Variants in TRIP6 observed in about 807,000 individuals in gnomAD.
TRIP6 encodes thyroid hormone receptor interactor 6.
In TRIP6, 33 loss-of-function variants were observed where a neutral mutation model predicts 51.9. The observed-to-expected ratio is 0.64, with a 90% confidence interval of 0.48 to 0.85. The LOEUF (loss-of-function observed/expected upper bound fraction) is 0.85, where lower values mean the gene tolerates loss of function less well. TRIP6 is among the 40% of genes least tolerant of loss of function. TRIP6 has a pLI of 0.00. For missense variants in TRIP6, 661 were observed against 652.1 expected (o/e 1.01, Z -0.15); for synonymous variants, 255 against 275.8 (o/e 0.92, Z 0.75).
chr7:100,870,509 G>T (rs1384448483), intron 5 of TRIP6, 46 bp downstream of exon 5: 1 of 1,606,516 alleles, frequency 6.2e-7, no homozygotes. Context: ...AGGGAGGCTG[G>T]GAGACAGAGG....
chr7:100,867,867 A>G lies in TRIP6; in HGVS notation c.116A>G (p.Gln39Arg). 6.5e-7 allele frequency: 1 copy of G among 1,536,332 alleles called. No individual in the cohort carries two copies. The highest frequency in any genetic ancestry group is 8.7e-7 in the Non-Finnish European group (1 of 1,150,270). Residue 39 changes from glutamine (Q) to arginine (R), a missense_variant, in exon 2 of 9, where the codon CAG becomes CGG. Coordinates refer to ENST00000200457, the MANE Select transcript of TRIP6 (RefSeq NM_003302.3). The surrounding 1 kb of genome is among the most constrained non-coding windows in gnomAD (Gnocchi z 5.4). ...TTCTCTTCCCTCAACCCAGCACTCC[A>G]GCCCCACCCCAGGGTCAATTTTTGC... is the stretch of plus-strand genomic sequence containing the variant. ...GPPPAHGAAL[Q>R]PHPRVNFCPL...
In TRIP6 at chr7:100,872,732, T is replaced by C; in HGVS notation, c.1287T>C (p.Cys429=). 1 of 1,614,020 alleles carries C rather than the reference T, an allele frequency of 6.2e-7. No individual in the cohort carries two copies. Among genetic ancestry groups the C allele is most frequent in the South Asian group, 1.1e-5 (1 of 91,088 alleles). ...TGGATCGAAGTTTTCACATTGGCTG[T>C]TACAAGTGCGAGGTCAGGGGCCCCC... ...VALDRSFHIG[C]YKCEECGLLL... The change falls in exon 8 of 9, where the codon TGT becomes TGC. Residue 429 remains cysteine, a synonymous_variant. Transcript: ENST00000200457.
intron 6 of TRIP6, 172 bp downstream of exon 6, chr7:100,870,915 C>A: frequency 1.1e-6 from 1 of 897,322 alleles, no homozygotes; most frequent in Non-Finnish European, 1.7e-6. Flanking sequence ...AGTAGCTTAA[C>A]ACTGGTGGCT....
At position 100,867,532 on chromosome 7, in the gene TRIP6, C is replaced by T. The variant is rs751195544; in HGVS notation, c.35C>T (p.Pro12Leu). 1.6e-4 allele frequency: 239 copies of T among 1,520,824 alleles called. 1 individual carries two copies. The highest frequency in any genetic ancestry group is 1.9e-4 in the Non-Finnish European group (216 of 1,136,698). The allele number at this position is 1,520,824 out of a possible 1,614,324, so 94.2% of individuals were successfully genotyped here. A position where few individuals can be genotyped will look rare whatever the true frequency, so the allele number is the denominator to read the frequency against. ...SGPTWLPPKQ[P>L]EPARAPQGRA... ...CCCACCTGGCTGCCCCCGAAGCAGC[C>T]GGAGCCCGCCAGAGCCCCTCAGGGG... Residue 12 changes from proline to leucine, a missense_variant, in exon 1 of 9, where the codon CCG (proline) becomes CTG (leucine). Pro to Leu is a moderately conservative substitution (Grantham distance 98). Transcript: ENST00000200457. The surrounding 1 kb of genome is among the most constrained non-coding windows in gnomAD (Gnocchi z 5.4).
At position 100,868,727 on chromosome 7, in the gene TRIP6, A is replaced by T. The variant is rs1416483395; in HGVS notation, c.596A>T (p.His199Leu). Residue 199 changes from histidine (H) to leucine (L), a missense_variant, in exon 4 of 9, where the codon CAC becomes CTC. His to Leu is a moderately conservative substitution (Grantham distance 99, BLOSUM62 -3). Coordinates refer to ENST00000200457, the MANE Select transcript of TRIP6 (RefSeq NM_003302.3). ...GCCTCTGGGCCCCTCCCGGGCCCCC[A>T]CTTTCCTCTCCCAGGCCGAGGTGAA... is the stretch of plus-strand genomic sequence containing the variant. ...SQASGPLPGP[H>L]FPLPGRGEVW... 9 of 1,565,654 alleles carry T rather than the reference A, an allele frequency of 5.7e-6. No individual in the cohort carries two copies. The highest frequency in any genetic ancestry group is 7.8e-6 in the Non-Finnish European group (9 of 1,158,604).
chr7:100,868,122 C>T lies in TRIP6; in HGVS notation c.252C>T (p.Asp84=), dbSNP rs760640890. 1.9e-6 allele frequency: 3 copies of T among 1,612,994 alleles called. No homozygotes were observed. The highest frequency in any genetic ancestry group is 2.5e-6 in the Non-Finnish European group (3 of 1,179,742). The stretch of plus-strand genomic sequence containing the variant: ...TCCATCCTCAGGGGCTCCCTGCAGA[C>T]AGGGGGGGCCTTCGCCCTGGAAGCC... ...VLQHTQGLPA[D]RGGLRPGSLD... Residue 84 remains aspartate (D), a synonymous_variant, in exon 3 of 9, where the codon GAC becomes GAT. Coordinates refer to ENST00000200457, the MANE Select transcript of TRIP6 (RefSeq NM_003302.3).
In TRIP6 at chr7:100,867,930, G is replaced by A. The variant is rs1815178414; in HGVS notation, c.179G>A (p.Gly60Glu). The change falls in exon 2 of 9, where the codon GGA (glycine) becomes GAA (glutamate). Residue 60 changes from glycine to glutamate, a missense_variant. Physicochemically the swap from Gly to Glu is moderately conservative, Grantham distance 98. Coordinates refer to ENST00000200457, the MANE Select transcript of TRIP6 (RefSeq NM_003302.3). This position sits in a 1 kb window ranked among gnomAD's most constrained non-coding sequence, Gnocchi z 5.4. ...PSEQCYQAPG[G>E]PEDRGPAWVG... ...GAGCAGTGTTACCAGGCCCCAGGGG[G>A]ACCGGAGGATCGGGGGCCGGCGTGG... 1 of 1,516,060 alleles carries A rather than the reference G, an allele frequency of 6.6e-7. No individual in the cohort carries two copies. The highest frequency in any genetic ancestry group is 2.3e-5 in the Admixed American group (1 of 42,924). The allele number at this position is 1,516,060 out of a possible 1,614,324, so 93.9% of individuals were successfully genotyped here.
rs1280838779 is a variant in TRIP6, at chr7:100,868,633, TTCCCC to T, written c.503_507del (p.Phe168CysfsTer38). ...CGCCAGCACCCCGGCTGGCCCAGCC[TTCCCC>T]GTGCAAGTGAAGGTGGCACAGCCAG... is the stretch of plus-strand genomic sequence containing the variant. On this transcript the variant is annotated frameshift_variant, in exon 4 of 9. Coordinates refer to ENST00000200457, the MANE Select transcript of TRIP6 (RefSeq NM_003302.3). LOFTEE classifies it high-confidence loss of function. 1.2e-6 allele frequency: 2 copies of T among 1,611,932 alleles called. No homozygotes were observed. The highest frequency in any genetic ancestry group is 1.7e-6 in the Non-Finnish European group (2 of 1,179,430).
chr7:100,872,091 T>C (rs1280912428), intron 7 of TRIP6, among the ~76,000 whole-genome samples: 1 of 146,860 alleles, frequency 6.8e-6, no homozygotes, highest in Non-Finnish European at 1.5e-5. Context: ...CTCAGCTCAC[T>C]GCAACCTCCA....
chr7:100,868,729 T>C lies in TRIP6; in HGVS notation c.598T>C (p.Phe200Leu), dbSNP rs765710540. ...CTCTGGGCCCCTCCCGGGCCCCCAC[T>C]TTCCTCTCCCAGGCCGAGGTGAAGT... ...QASGPLPGPH[F>L]PLPGRGEVWG... Residue 200 changes from phenylalanine (F) to leucine (L), a missense_variant, in exon 4 of 9, where the codon TTT becomes CTT. Transcript: ENST00000200457. The C allele has an allele frequency of 6.4e-7, 1 of 1,565,506 alleles. No individual in the cohort carries two copies. The highest frequency in any genetic ancestry group is 2.0e-5 in the Admixed American group (1 of 51,076).
chr7:100,867,525 A>G lies in TRIP6; in HGVS notation c.28A>G (p.Lys10Glu). Residue 10 changes from lysine to glutamate, a missense_variant, in exon 1 of 9, where the codon AAG becomes GAG. Transcript: ENST00000200457. The surrounding 1 kb of genome is among the most constrained non-coding windows in gnomAD (Gnocchi z 5.4). MSGPTWLPPKQPEPARAPQG... is the reference protein window; with the variant it reads MSGPTWLPPEQPEPARAPQG... ...GTCGGGGCCCACCTGGCTGCCCCCG[A>G]AGCAGCCGGAGCCCGCCAGAGCCCC... is the stretch of plus-strand genomic sequence containing the variant. 1 of 1,515,104 alleles carries G rather than the reference A, an allele frequency of 6.6e-7. No homozygotes were observed. The highest frequency in any genetic ancestry group is 8.8e-7 in the Non-Finnish European group (1 of 1,133,866). 93.9% of individuals were successfully genotyped at this position (1,515,104 alleles called of 1,614,324 possible). A position where few individuals can be genotyped will look rare whatever the true frequency, so the allele number is the denominator to read the frequency against.
chr7:100,867,422 T>A lies in TRIP6; in HGVS notation c.-76T>A. 1 of 1,101,298 alleles carries A rather than the reference T, an allele frequency of 9.1e-7. No individual in the cohort carries two copies. The highest frequency in any genetic ancestry group is 3.2e-5 in the East Asian group (1 of 31,324). The allele number at this position is 1,101,298 out of a possible 1,614,324, so 68.2% of individuals were successfully genotyped here. Reference sequence around the variant, plus strand: ...TTCTTTTCTGGAGTCCCAAACGAGGTGCGGGACGGAAGAGGGGGTGAAGGC... The same window carrying A: ...TTCTTTTCTGGAGTCCCAAACGAGGAGCGGGACGGAAGAGGGGGTGAAGGC... On this transcript the variant is annotated 5_prime_UTR_variant, in exon 1 of 9. Coordinates refer to ENST00000200457, the MANE Select transcript of TRIP6 (RefSeq NM_003302.3). The surrounding 1 kb of genome is among the most constrained non-coding windows in gnomAD (Gnocchi z 5.4).
chr7:100,868,566 A>G lies in TRIP6; in HGVS notation c.435A>G (p.Pro145=), dbSNP rs1352919407. The G allele has an allele frequency of 6.2e-7, 1 of 1,613,008 alleles. No individual in the cohort carries two copies. The highest frequency in any genetic ancestry group is 1.1e-5 in the South Asian group (1 of 91,084). ...AGCCAAATCCAGCCTCGCCGCTCCC[A>G]GCGTCTCCCTATGGGGGCCCCACTC... ...SLKPNPASPL[P]ASPYGGPTPA... is the part of the protein sequence containing the mutation. The change falls in exon 4 of 9, where the codon CCA becomes CCG. Residue 145 remains proline, a synonymous_variant. Coordinates refer to ENST00000200457, the MANE Select transcript of TRIP6 (RefSeq NM_003302.3).
Position 100,870,577 on chromosome 7 carries a change from A to G in TRIP6, c.833A>G (p.Gln278Arg). Residue 278 changes from glutamine to arginine, a missense_variant, in exon 6 of 9, where the codon CAG becomes CGG. Transcript: ENST00000200457. ...NHPPSGEYFG[Q>R]CGGCGEDVVG... is the part of the protein sequence containing the mutation. The stretch of plus-strand genomic sequence containing the variant: ...TGCTGTTTCTCCCTGTCCTCAGGCC[A>G]GTGTGGTGGCTGCGGAGAAGATGTG... 1 of 1,613,846 alleles carries G rather than the reference A, an allele frequency of 6.2e-7. No individual in the cohort carries two copies. Among genetic ancestry groups the G allele is most frequent in the Non-Finnish European group, 8.5e-7 (1 of 1,179,826 alleles).
In TRIP6 at chr7:100,870,562, C is replaced by G; in HGVS notation, c.830-12C>G. The G allele has an allele frequency of 6.2e-7, 1 of 1,612,056 alleles. No homozygotes were observed. Among genetic ancestry groups the G allele is most frequent in the Non-Finnish European group, 8.5e-7 (1 of 1,178,504 alleles). Reference sequence around the variant, plus strand: ...GTCTGTGAAGACTGATGCTGTTTCTCCCTGTCCTCAGGCCAGTGTGGTGGC... The same window carrying G: ...GTCTGTGAAGACTGATGCTGTTTCTGCCTGTCCTCAGGCCAGTGTGGTGGC... On this transcript the variant is annotated splice_polypyrimidine_tract_variant and intron_variant, in intron 5 of 8. Transcript: ENST00000200457.
intron 4 of TRIP6, 58 bp from the exon 5 acceptor site, chr7:100,870,312 C>T (rs1482041173): frequency 4.2e-5 from 65 of 1,552,594 alleles, no homozygotes; most frequent in Non-Finnish European, 5.6e-5. Context: ...CGGCTGAGGG[C>T]CCTGGTATTA....
In TRIP6 at chr7:100,870,610, A is replaced by ATGGGGC; in HGVS notation, c.872_877dup (p.Ala291_Gly292dup). On this transcript the variant is annotated inframe_insertion, in exon 6 of 9. Transcript: ENST00000200457. ...GGCTGCGGAGAAGATGTGGTTGGGG[A>ATGGGGC]TGGGGCTGGGGTTGTGGCCCTTGAT... 6.2e-7 allele frequency: 1 copy of ATGGGGC among 1,614,022 alleles called. No individual in the cohort carries two copies. Among genetic ancestry groups the ATGGGGC allele is most frequent in the Non-Finnish European group, 8.5e-7 (1 of 1,179,982 alleles).
intron 4 of TRIP6, among the ~76,000 whole-genome samples, chr7:100,869,462 G>A (rs534956985): frequency 6.7e-6 from 1 of 149,846 alleles, no homozygotes; most frequent in African/African-American, 2.4e-5. Context: ...GAGAAACCTC[G>A]TCTCTACTAA....
chr7:100,868,461 T>C (rs887051623), intron 3 of TRIP6, 34 bp from the exon 4 acceptor site: 2 of 1,612,778 alleles, frequency 1.2e-6, no homozygotes, highest in African/African-American at 2.7e-5. Context: ...AGTGGGGTCC[T>C]TGCTTACGAC....
Sources: allele counts gnomAD v4.1 joint callset (sites outside exome capture counted in the v4.1 genomes callset), GRCh38; gene constraint gnomAD v4.1.1; non-coding constraint Gnocchi (gnomAD v3.1); transcripts MANE v1.5; gene names NCBI Gene and HGNC (gene_info 2026-07-23, HGNC 2026-07-21).